The following RBFOX1 variants were observed in gnomAD, a reference collection of about 807,000 sequenced individuals.
RBFOX1 encodes RNA binding fox-1 homolog 1.
A neutral mutation model predicts 57.7 loss-of-function variants in RBFOX1; 8 were observed. The observed-to-expected ratio is 0.14, with a 90% CI of 0.08 to 0.25. The LOEUF is 0.25. Ranked by LOEUF, RBFOX1 falls within the 10% of genes least tolerant of loss-of-function variation. The pLI, the probability that RBFOX1 is intolerant of heterozygous loss-of-function variation, is 1.00. For synonymous variants in RBFOX1, 326 were observed against 222.4 expected (o/e 1.47, Z -4.15); for missense variants, 611 against 548.5 (o/e 1.11, Z -1.14).
intron 4 of RBFOX1, among the ~76,000 whole-genome samples, chr16:5,871,946 A>G (rs144428465): frequency 1.3e-5 from 2 of 152,290 alleles, no homozygotes; most frequent in East Asian, 1.9e-4. Flanking sequence ...CGCAGGTAGC[A>G]AACTCAGTGG....
intron 3 of RBFOX1, among the ~76,000 whole-genome samples, chr16:5,789,341 C>G (rs1395299769): frequency 1.3e-5 from 2 of 152,150 alleles, no homozygotes; most frequent in South Asian, 2.1e-4. Context: ...ACAGTAAATG[C>G]TTCTGAGAAA....
intron 1 of RBFOX1, among the ~76,000 whole-genome samples, chr16:6,258,825 G>A (rs1291237902): frequency 6.6e-6 from 1 of 152,028 alleles, no homozygotes; most frequent in African/African-American, 2.4e-5. Flanking sequence ...TTTACATGAC[G>A]TGATTATTAT....
chr16:7,295,728 T>C (rs2141797972), intron 4 of RBFOX1, among the ~76,000 whole-genome samples: 1 of 152,170 alleles, frequency 6.6e-6, no homozygotes, highest in South Asian at 2.1e-4. Context: ...CATACCCACA[T>C]ATGAACCAGA....
At chr16:7,316,349 C>T (rs1313488346) in intron 4 of RBFOX1, among the ~76,000 whole-genome samples, 1 of 152,198 alleles carries the variant, frequency 6.6e-6, no homozygotes, top group Non-Finnish European at 1.5e-5. Flanking sequence ...CCTAACATTG[C>T]ATGATCTGTT....
In RBFOX1 at chr16:6,896,442, A is replaced by G. The variant is rs190394967; in HGVS notation, c.-15-155615A>G. ...ACTTTCCCCTCTTTCAGCCCTGGTA[A>G]CTATCCTTCTACTGTCTATGTACAT... is the stretch of plus-strand genomic sequence containing the variant. On this transcript the variant is annotated intron_variant, in intron 3 of 15. Transcript: ENST00000550418. Among the ~76,000 whole-genome samples, 12 of 152,248 alleles carry G rather than the reference A, an allele frequency of 7.9e-5. No individual in the cohort carries two copies. The East Asian group carries it at 2.3e-3, about 29-fold the overall frequency.
At chr16:6,590,385 AGTG>A (rs2097693482) in intron 2 of RBFOX1, among the ~76,000 whole-genome samples, 1 of 152,052 alleles carries the variant, frequency 6.6e-6, no homozygotes, top group African/African-American at 2.4e-5. Flanking sequence ...GTTTTTCAGT[AGTG>A]CTTCCTTTCA....
chr16:6,976,442 G>A (rs2086872030), intron 3 of RBFOX1, among the ~76,000 whole-genome samples: 1 of 152,018 alleles, frequency 6.6e-6, no homozygotes, highest in Admixed American at 6.6e-5. Context: ...TGTGGCTATT[G>A]GTTTTGTTCC....
intron 4 of RBFOX1, among the ~76,000 whole-genome samples, chr16:7,218,062 C>CGT (rs199674993): frequency 0.074 from 9,893 of 132,964 alleles, 443 homozygotes; most frequent in African/African-American, 0.16. Flanking sequence ...CATGCGTGTG[C>CGT]GTGTGTGTGT....
chr16:6,729,372 C>G (rs1029231069), intron 3 of RBFOX1, among the ~76,000 whole-genome samples: 3 of 152,230 alleles, frequency 2.0e-5, no homozygotes, highest in South Asian at 2.1e-4. Flanking sequence ...TTCACTCACT[C>G]ATTAATAAAA....
At chr16:7,201,281 A>G (rs1208288136) in intron 4 of RBFOX1, among the ~76,000 whole-genome samples, 2 of 152,110 alleles carry the variant, frequency 1.3e-5, no homozygotes, top group Non-Finnish European at 2.9e-5. Flanking sequence ...CAGAGAAACA[A>G]CGGAGAGCCA....
At chr16:6,792,432 A>G (rs1350910655) in intron 3 of RBFOX1, among the ~76,000 whole-genome samples, 1 of 152,212 alleles carries the variant, frequency 6.6e-6, no homozygotes, top group Non-Finnish European at 1.5e-5. Flanking sequence ...ATATATAATT[A>G]AAGGTCAACC....
chr16:6,252,840 G>A (rs749761746), intron 1 of RBFOX1, among the ~76,000 whole-genome samples: 4 of 152,264 alleles, frequency 2.6e-5, no homozygotes, highest in South Asian at 2.1e-4. Context: ...GTTGCTGTTC[G>A]ATGGGTGTGA....
intron 14 of RBFOX1, among the ~76,000 whole-genome samples, chr16:7,699,274 C>T (rs556549975): frequency 2.4e-5 from 2 of 82,782 alleles, no homozygotes; most frequent in African/African-American, 7.9e-5. Context: ...TCCTGTAATC[C>T]TGGACCTCCT....
intron 4 of RBFOX1, among the ~76,000 whole-genome samples, chr16:7,391,032 T>C (rs1597255001): frequency 4.6e-5 from 7 of 152,302 alleles, no homozygotes; most frequent in Admixed American, 4.6e-4. Flanking sequence ...TGGAGGCTCA[T>C]TGGTAAGCCT....
chr16:7,157,564 T>TC (rs770679084), intron 4 of RBFOX1, among the ~76,000 whole-genome samples: 2 of 152,110 alleles, frequency 1.3e-5, no homozygotes, highest in Admixed American at 6.6e-5. Flanking sequence ...ATAGCTTAAG[T>TC]CCAGGCACGT....
intron 1 of RBFOX1, among the ~76,000 whole-genome samples, chr16:5,311,528 G>A (rs1293264577): frequency 6.6e-6 from 1 of 152,168 alleles, no homozygotes; most frequent in Non-Finnish European, 1.5e-5. Context: ...CAGTGTATAA[G>A]CGTTCTGTTT....
At chr16:7,245,206 T>C (rs1271345852) in intron 4 of RBFOX1, among the ~76,000 whole-genome samples, 1 of 152,244 alleles carries the variant, frequency 6.6e-6, no homozygotes, top group Non-Finnish European at 1.5e-5. Context: ...AAATATCTTA[T>C]ATTTCATTTG....
At chr16:5,464,825 A>G (rs1362634867) in intron 1 of RBFOX1, among the ~76,000 whole-genome samples, 2 of 152,150 alleles carry the variant, frequency 1.3e-5, no homozygotes, top group Non-Finnish European at 2.9e-5. Flanking sequence ...AAGGGGAGGC[A>G]TGATGGATGG....
intron 1 of RBFOX1, among the ~76,000 whole-genome samples, chr16:6,188,873 G>A (rs917681821): frequency 5.3e-5 from 8 of 150,156 alleles, no homozygotes; most frequent in African/African-American, 2.0e-4. Flanking sequence ...AAGTAGTAGT[G>A]GACTAAAACA....
Sources: allele counts gnomAD v4.1 joint callset (sites outside exome capture counted in the v4.1 genomes callset), GRCh38; gene constraint gnomAD v4.1.1; transcripts MANE v1.5; gene names NCBI Gene and HGNC (gene_info 2026-07-23, HGNC 2026-07-21).